Variants in HRH1 observed in about 807,000 individuals in gnomAD.
HRH1 encodes the protein histamine receptor H1.
Under a neutral mutation model 10.3 loss-of-function variants are expected in HRH1, and 6 were observed. The observed-to-expected ratio is 0.58, with a 90% CI of 0.32 to 1.15. The LOEUF is 1.15. HRH1 is among the 50% of genes most tolerant of loss of function. The probability of loss-of-function intolerance (pLI) is 0.05; values close to 1 mark genes in which losing one functional copy is unlikely to be tolerated. For synonymous variants in HRH1, 242 were observed against 236.7 expected, an observed-to-expected ratio of 1.02 and a Z score of -0.21; for missense variants, 514 against 615.3, an observed-to-expected ratio of 0.84 and a Z score of 1.74.
chr3:11,212,149 T>C (rs1938348225), intron 1 of HRH1, among the ~76,000 whole-genome samples: 1 of 152,168 alleles, frequency 6.6e-6, no homozygotes, highest in African/African-American at 2.4e-5. Flanking sequence ...TCCTTTTGCC[T>C]CATAGAATTG....
Position 11,227,130 on chromosome 3 carries a change from T to C in HRH1, c.-35-31873T>C, listed in dbSNP as rs1284883482. Reference sequence around the variant, plus strand: ...CTGTGACAGCAGTTGAGAGACGATGTTGTCAAAGTCTGCAGCAGAACAGAA... The same window carrying C: ...CTGTGACAGCAGTTGAGAGACGATGCTGTCAAAGTCTGCAGCAGAACAGAA... On this transcript the variant is annotated intron_variant, in intron 1 of 1. Coordinates refer to ENST00000431010, the MANE Select transcript of HRH1 (RefSeq NM_001098212.2). Among the ~76,000 whole-genome samples, 4 of 152,106 alleles carry C rather than the reference T, an allele frequency of 2.6e-5. No individual in the cohort carries two copies. The East Asian group carries it at 7.7e-4, about 29-fold the overall frequency.
chr3:11,155,771 T>G (rs1473312036), intron 1 of HRH1, among the ~76,000 whole-genome samples: 1 of 151,848 alleles, frequency 6.6e-6, no homozygotes, highest in African/African-American at 2.4e-5. Flanking sequence ...GAGAGGGGAA[T>G]TGAGGGTCTT....
At chr3:11,171,424 A>G (rs550092912) in intron 1 of HRH1, among the ~76,000 whole-genome samples, 40 of 152,150 alleles carry the variant, frequency 2.6e-4, no homozygotes, top group African/African-American at 8.9e-4. Context: ...CCAGGGTTGC[A>G]GGGTTTTGAC....
upstream of HRH1, among the ~76,000 whole-genome samples, chr3:11,151,856 A>G (rs1319388277): frequency 6.6e-6 from 1 of 152,198 alleles, no homozygotes; most frequent in African/African-American, 2.4e-5. Context: ...TATTTTACAT[A>G]CAGATGAGGA....
At chr3:11,205,162 C>T (rs1360701806) in intron 1 of HRH1, among the ~76,000 whole-genome samples, 1 of 152,228 alleles carries the variant, frequency 6.6e-6, no homozygotes, top group Non-Finnish European at 1.5e-5. Flanking sequence ...GGAATGTATG[C>T]ACTGCCACCC....
At chr3:11,219,541 C>T (rs558217859) in intron 1 of HRH1, among the ~76,000 whole-genome samples, 2 of 151,896 alleles carry the variant, frequency 1.3e-5, no homozygotes, top group African/African-American at 4.8e-5. Context: ...GTGAAACCCC[C>T]GTCTCTACTA....
intron 1 of HRH1, among the ~76,000 whole-genome samples, chr3:11,184,087 G>A (rs916191252): frequency 2.6e-5 from 4 of 152,158 alleles, no homozygotes; most frequent in Admixed American, 2.0e-4. Context: ...CCAGTGCTCA[G>A]GCAGAGGGTG....
rs1559283215 is a variant in HRH1 at position 11,242,509 on chromosome 3, A to AAAAAAAAAAAAAAAT, written c.-35-16494_-35-16493insAAAAAAAAAAAAAAT. ...AAAAAAAAAAAAAAAAAAAAAAAAA[A>AAAAAAAAAAAAAAAT]GCTGTAACACTCACTGCAAAGGTCT... On this transcript the variant is annotated intron_variant, in intron 1 of 1. Transcript: ENST00000431010. Among the ~76,000 whole-genome samples, 88 of 120,796 alleles carry AAAAAAAAAAAAAAAT rather than the reference A, an allele frequency of 7.3e-4. 4 individuals carry two copies. The highest frequency in any genetic ancestry group is 2.8e-3 in the African/African-American group (85 of 30,206). 79.2% of individuals were successfully genotyped at this position (120,796 alleles called of 152,430 possible). A position where few individuals can be genotyped will look rare whatever the true frequency, so the allele number is the denominator to read the frequency against.
intron 1 of HRH1, among the ~76,000 whole-genome samples, chr3:11,213,617 G>C (rs888629489): frequency 1.3e-5 from 2 of 152,222 alleles, no homozygotes; most frequent in Admixed American, 1.3e-4. Context: ...AAGGGACAAT[G>C]TGTTCTCACA....
chr3:11,197,965 G>A (rs533279848), intron 1 of HRH1, among the ~76,000 whole-genome samples: 24 of 152,170 alleles, frequency 1.6e-4, no homozygotes, highest in African/African-American at 2.7e-4. Context: ...TGGGAAATGC[G>A]GAGGCTGCGC....
intron 1 of HRH1, among the ~76,000 whole-genome samples, chr3:11,163,501 C>T (rs2125009400): frequency 6.6e-6 from 1 of 151,840 alleles, no homozygotes; most frequent in Admixed American, 6.5e-5. Flanking sequence ...AACCCGAGCT[C>T]TACCACTTAG....
chr3:11,228,962 G>T (rs1032824455), intron 1 of HRH1, among the ~76,000 whole-genome samples: 9 of 151,170 alleles, frequency 6.0e-5, no homozygotes, highest in Admixed American at 5.9e-4. Context: ...TAGAGATATG[G>T]AAACAATACT....
At chr3:11,244,725 G>C (rs1480298828) in intron 1 of HRH1, among the ~76,000 whole-genome samples, 1 of 152,210 alleles carries the variant, frequency 6.6e-6, no homozygotes, top group Non-Finnish European at 1.5e-5. Context: ...GGAGCTTACT[G>C]TCTTTCTCAA....
chr3:11,182,295 A>G (rs1236316676), intron 1 of HRH1, among the ~76,000 whole-genome samples: 2 of 152,136 alleles, frequency 1.3e-5, no homozygotes, highest in Admixed American at 6.6e-5. Context: ...AAAAATTCTT[A>G]TATTTTCTGG....
At chr3:11,216,010 A>G (rs1284458980) in intron 1 of HRH1, among the ~76,000 whole-genome samples, 1 of 152,136 alleles carries the variant, frequency 6.6e-6, no homozygotes, top group African/African-American at 2.4e-5. Context: ...TTAGGGATCT[A>G]TGATTTAATG....
intron 1 of HRH1, among the ~76,000 whole-genome samples, chr3:11,195,205 C>T (rs1937618600): frequency 6.6e-6 from 1 of 152,208 alleles, no homozygotes; most frequent in African/African-American, 2.4e-5. Flanking sequence ...CTCTTGTTAC[C>T]TGTAACCAAG....
At chr3:11,179,359 G>C (rs1341672082) in intron 1 of HRH1, among the ~76,000 whole-genome samples, 1 of 151,826 alleles carries the variant, frequency 6.6e-6, no homozygotes, top group South Asian at 2.1e-4. Context: ...GGTGGCTCAC[G>C]CCTGTAATGC....
At chr3:11,161,748 T>G (rs145190274) in intron 1 of HRH1, among the ~76,000 whole-genome samples, 11 of 152,314 alleles carry the variant, frequency 7.2e-5, no homozygotes, top group African/African-American at 2.2e-4. Flanking sequence ...AGGAGCTCAA[T>G]AAATATTTTT....
chr3:11,201,134 C>A (rs779155627), intron 1 of HRH1, among the ~76,000 whole-genome samples: 6 of 152,166 alleles, frequency 3.9e-5, no homozygotes, highest in Non-Finnish European at 7.4e-5. Flanking sequence ...TGGCCCTGTC[C>A]AAACTGGAGC....
Sources: gnomAD v4.1 joint callset for allele counts (sites outside exome capture counted in the v4.1 genomes callset) on GRCh38, gnomAD v4.1.1 for gene constraint, MANE v1.5 for transcripts, NCBI Gene and HGNC (gene_info 2026-07-23, HGNC 2026-07-21) for gene names.